The following RBPMS variants were observed in gnomAD, a reference collection of about 807,000 sequenced individuals.
The protein encoded by RBPMS is RNA binding protein, mRNA processing factor.
A neutral mutation model predicts 26.8 loss-of-function variants in RBPMS; 7 were observed. That is an observed-to-expected ratio of 0.26 (90% CI 0.15 to 0.49). The LOEUF is 0.49. Among genes scored for constraint, RBPMS ranks in the 20% least tolerant of loss-of-function variants. RBPMS has a pLI of 0.98. For missense variants in RBPMS, 186 were observed against 250.0 expected, an observed-to-expected ratio of 0.74 and a Z score of 1.73; for synonymous variants, 96 against 93.3, an observed-to-expected ratio of 1.03 and a Z score of -0.17.
intron 2 of RBPMS, among the ~76,000 whole-genome samples, chr8:30,475,849 C>T (rs923887842): frequency 6.6e-6 from 1 of 152,076 alleles, no homozygotes; most frequent in Non-Finnish European, 1.5e-5. Flanking sequence ...TGACAGCCAT[C>T]GCTTTAATGC....
In RBPMS at chr8:30,571,410, C is replaced by G. The variant is rs970466684; in HGVS notation, c.*885C>G. 2.6e-5 allele frequency: 4 copies of G among 152,342 alleles called. No individual in the cohort carries two copies. Among genetic ancestry groups the G allele is most frequent in the Admixed American group, 6.5e-5 (1 of 15,290 alleles). 9.4% of individuals were successfully genotyped at this position (152,342 alleles called of 1,614,324 possible). On this transcript the variant is annotated 3_prime_UTR_variant, in exon 9 of 9. Coordinates refer to ENST00000397323, the MANE Select transcript of RBPMS (RefSeq NM_001008710.3). Reference sequence around the variant, plus strand: ...CTAACCTACCTTCCACAAGCCAGCCCCGCATCCCTGCTCCCGCAGTGTAAG... The same window carrying G: ...CTAACCTACCTTCCACAAGCCAGCCGCGCATCCCTGCTCCCGCAGTGTAAG...
chr8:30,462,661 C>T (rs1359981831), intron 1 of RBPMS, among the ~76,000 whole-genome samples: 1 of 152,116 alleles, frequency 6.6e-6, no homozygotes, highest in Non-Finnish European at 1.5e-5. Context: ...CTCCTGACCT[C>T]AAGTGATCGG....
At chr8:30,389,732 G>A (rs988338600) in intron 1 of RBPMS, among the ~76,000 whole-genome samples, 2 of 151,974 alleles carry the variant, frequency 1.3e-5, no homozygotes, top group Non-Finnish European at 2.9e-5. Flanking sequence ...ATTCTGGAAG[G>A]GGAATATTGT....
intron 8 of RBPMS, among the ~76,000 whole-genome samples, chr8:30,566,648 T>C (rs1228603135): frequency 6.6e-6 from 1 of 152,252 alleles, no homozygotes; most frequent in Non-Finnish European, 1.5e-5. Context: ...CAGTGGCACC[T>C]GGAGTGAGGG....
chr8:30,556,291 A>T, intron 6 of RBPMS: 2 of 985,412 alleles, frequency 2.0e-6, no homozygotes, highest in Non-Finnish European at 2.4e-6. Context: ...ACCCGCCTTC[A>T]TGTCACTCTG....
intron 5 of RBPMS, among the ~76,000 whole-genome samples, chr8:30,538,545 C>T (rs1308451958): frequency 1.3e-5 from 2 of 152,160 alleles, no homozygotes; most frequent in African/African-American, 4.8e-5. Context: ...CATGAGGCAC[C>T]GCGCCCGGCA....
chr8:30,506,460 C>T (rs1821080756), intron 5 of RBPMS, among the ~76,000 whole-genome samples: 1 of 152,002 alleles, frequency 6.6e-6, no homozygotes, highest in Non-Finnish European at 1.5e-5. Flanking sequence ...AGAGCAAGTC[C>T]ACTATGGCTC....
chr8:30,435,014 A>C (rs1021092133), intron 1 of RBPMS, among the ~76,000 whole-genome samples: 1 of 151,840 alleles, frequency 6.6e-6, no homozygotes, highest in Non-Finnish European at 1.5e-5. Context: ...CCATCCATCC[A>C]TCCATCCATC....
At chr8:30,455,268 C>G (rs1413982242) in intron 1 of RBPMS, among the ~76,000 whole-genome samples, 1 of 152,114 alleles carries the variant, frequency 6.6e-6, no homozygotes, top group Admixed American at 6.5e-5. Flanking sequence ...AGGGCTTTCT[C>G]TAAGTGAGTG....
At chr8:30,538,289 C>G (rs922992832) in intron 5 of RBPMS, among the ~76,000 whole-genome samples, 1 of 152,014 alleles carries the variant, frequency 6.6e-6, no homozygotes, top group African/African-American at 2.4e-5. Context: ...GAGTCTCGCT[C>G]TGTCGCCCAG....
At chr8:30,537,992 TTGA>T (rs1199966127) in intron 5 of RBPMS, among the ~76,000 whole-genome samples, 1 of 152,182 alleles carries the variant, frequency 6.6e-6, no homozygotes, top group Non-Finnish European at 1.5e-5. Flanking sequence ...TGAGTTGAGT[TTGA>T]TGAGTTTAGG....
chr8:30,463,308 T>G (rs1816146132), intron 1 of RBPMS, among the ~76,000 whole-genome samples: 1 of 152,234 alleles, frequency 6.6e-6, no homozygotes, highest in South Asian at 2.1e-4. Context: ...TAGGTGGATC[T>G]AGCTCAGGGT....
chr8:30,562,177 A>C (rs921519343), intron 7 of RBPMS: 1 of 330,948 alleles, frequency 3.0e-6, no homozygotes, highest in Non-Finnish European at 4.3e-6. Flanking sequence ...CTAAAAATAC[A>C]AAAATTACCC....
chr8:30,433,583 G>A (rs1342153459), intron 1 of RBPMS, among the ~76,000 whole-genome samples: 1 of 152,096 alleles, frequency 6.6e-6, no homozygotes, highest in African/African-American at 2.4e-5. Flanking sequence ...GAGGTGCAAG[G>A]ATCTCTTGAG....
intron 1 of RBPMS, among the ~76,000 whole-genome samples, chr8:30,409,281 C>T (rs960645352): frequency 6.6e-6 from 1 of 151,684 alleles, no homozygotes; most frequent in Non-Finnish European, 1.5e-5. Context: ...GCAACTTCTG[C>T]CTCCTGGGTT....
At chr8:30,553,336 T>C (rs1241604008) in intron 6 of RBPMS, 7 of 152,220 alleles carry the variant, frequency 4.6e-5, no homozygotes, top group African/African-American at 1.7e-4. Context: ...TGAGGGTTGC[T>C]GTTTAAAAGA....
At chr8:30,548,207 C>G (rs1826019535) in intron 6 of RBPMS, among the ~76,000 whole-genome samples, 5 of 152,318 alleles carry the variant, frequency 3.3e-5, no homozygotes, top group Admixed American at 2.6e-4. Flanking sequence ...CTGTTGCTTT[C>G]AAAAAGCTTA....
At chr8:30,410,191 C>CACACACACACA (rs1809185492) in intron 1 of RBPMS, among the ~76,000 whole-genome samples, 1 of 143,184 alleles carries the variant, frequency 7.0e-6, no homozygotes, top group Non-Finnish European at 1.5e-5. Context: ...CACACACACA[C>CACACACACACA]TTAACTGCTA....
chr8:30,446,940 C>T (rs569816205), intron 1 of RBPMS: 1 of 152,092 alleles, frequency 6.6e-6, no homozygotes, highest in African/African-American at 2.4e-5. Context: ...CCATCTTCAA[C>T]AGGTAGCTGT....
Sources: allele counts gnomAD v4.1 joint callset (sites outside exome capture counted in the v4.1 genomes callset), GRCh38; gene constraint gnomAD v4.1.1; transcripts MANE v1.5; gene names NCBI Gene and HGNC (gene_info 2026-07-23, HGNC 2026-07-21).